Variants in XXYLT1 observed in about 807,000 individuals in gnomAD.
XXYLT1 encodes the protein UDP-xylose:alpha-xyloside alpha-1,3-xylosyltransferase.
XXYLT1 carries 20 observed loss-of-function variants against 28.9 expected under a neutral mutation model. That is an observed-to-expected ratio of 0.69 (90% confidence interval 0.49 to 1.00). The LOEUF is 1.00. Among genes scored for constraint, XXYLT1 ranks in the 50% least tolerant of loss-of-function variants. The pLI is 0.00. For missense variants in XXYLT1, 542 were observed against 560.1 expected (o/e 0.97, Z 0.33); for synonymous variants, 257 against 253.8 (o/e 1.01, Z -0.12).
At chr3:195,151,237 A>G (rs1258017789) in intron 3 of XXYLT1, among the ~76,000 whole-genome samples, 1 of 152,146 alleles carries the variant, frequency 6.6e-6, no homozygotes, top group African/African-American at 2.4e-5. Context: ...AAAAAGCGGG[A>G]TATCTGTTAA....
At chr3:195,265,155 A>T (rs147077435) in intron 1 of XXYLT1, among the ~76,000 whole-genome samples, 64 of 152,214 alleles carry the variant, frequency 4.2e-4, no homozygotes, top group African/African-American at 1.5e-3. Flanking sequence ...GGATCACCTG[A>T]GGTCAGGAGT....
Position 195,129,326 on chromosome 3 carries a change from T to C in XXYLT1, c.785+27123A>G, listed in dbSNP as rs1718788459. ...AGTGGATTTTAGTATGCTCACAGAG[T>C]TGTGTAACTATGACACAATTTTAGA... On this transcript the variant is annotated intron_variant, in intron 3 of 3. Coordinates refer to ENST00000310380, the MANE Select transcript of XXYLT1 (RefSeq NM_152531.5). This position sits in a 1 kb window ranked among gnomAD's most constrained non-coding sequence, Gnocchi z 4.4. Among the ~76,000 whole-genome samples the C allele has an allele frequency of 6.6e-6, 1 of 151,988 alleles. No homozygotes were observed. Among genetic ancestry groups the C allele is most frequent in the African/African-American group, 2.4e-5 (1 of 41,390 alleles).
chr3:195,186,472 C>T (rs1722200536), intron 2 of XXYLT1, among the ~76,000 whole-genome samples: 1 of 152,186 alleles, frequency 6.6e-6, no homozygotes, highest in Non-Finnish European at 1.5e-5. Context: ...TTCTGGGGCA[C>T]ATCAAGCTCC....
At chr3:195,143,357 C>T (rs1719590837) in intron 3 of XXYLT1, among the ~76,000 whole-genome samples, 1 of 152,200 alleles carries the variant, frequency 6.6e-6, no homozygotes, top group Non-Finnish European at 1.5e-5. Context: ...TGGGCTCAGT[C>T]TGGTGCACAG....
At position 195,129,271 on chromosome 3, in the gene XXYLT1, T is replaced by C. The variant is rs1718786698; in HGVS notation, c.785+27178A>G. ...TTCTTGACACATAATTTAAATTCCATACAATTCACCCATTTAACATGTACA... is the reference window on the plus strand; with the variant it reads ...TTCTTGACACATAATTTAAATTCCACACAATTCACCCATTTAACATGTACA... On this transcript the variant is annotated intron_variant, in intron 3 of 3. Transcript: ENST00000310380. The surrounding 1 kb of genome is among the most constrained non-coding windows in gnomAD (Gnocchi z 4.4). 6.6e-6 allele frequency among the ~76,000 whole-genome samples: 1 copy of C among 152,194 alleles called. No homozygotes were observed. The highest frequency in any genetic ancestry group is 2.4e-5 in the African/African-American group (1 of 41,438).
At chr3:195,223,641 A>G (rs1489196830) in intron 2 of XXYLT1, among the ~76,000 whole-genome samples, 3 of 152,224 alleles carry the variant, frequency 2.0e-5, no homozygotes. Flanking sequence ...GACAGCACGA[A>G]TGATGTCTGA....
At chr3:195,151,438 G>C (rs1353241237) in intron 3 of XXYLT1, among the ~76,000 whole-genome samples, 1 of 152,218 alleles carries the variant, frequency 6.6e-6, no homozygotes, top group East Asian at 1.9e-4. Context: ...GCTGAGGCAG[G>C]AGAACTTCTT....
intron 3 of XXYLT1, among the ~76,000 whole-genome samples, chr3:195,099,997 T>TA (rs1716687304): frequency 6.6e-6 from 1 of 152,100 alleles, no homozygotes; most frequent in Non-Finnish European, 1.5e-5. Flanking sequence ...CTGTCTTACT[T>TA]AAAAAAGAAG....
intron 3 of XXYLT1, among the ~76,000 whole-genome samples, chr3:195,082,895 G>A (rs1212530286): frequency 6.6e-6 from 1 of 151,836 alleles, no homozygotes; most frequent in African/African-American, 2.4e-5. Flanking sequence ...CCCCTGCCAA[G>A]AGCCAACAGT....
intron 1 of XXYLT1, chr3:195,270,259 C>T (rs565142315): frequency 1.0e-4 from 58 of 577,102 alleles, no homozygotes; most frequent in African/African-American, 7.3e-4. Context: ...AACCCTGCAA[C>T]GTTAGCAAAA....
chr3:195,205,452 T>C (rs1196104072), intron 2 of XXYLT1, among the ~76,000 whole-genome samples: 1 of 152,088 alleles, frequency 6.6e-6, no homozygotes, highest in Non-Finnish European at 1.5e-5. Context: ...ATTCTTGAAA[T>C]ACAGAAATGA....
At chr3:195,175,619 G>T (rs573568412) in intron 2 of XXYLT1, 1 of 1,536,162 alleles carries the variant, frequency 6.5e-7, no homozygotes, top group South Asian at 1.2e-5. Context: ...AACAGACATC[G>T]CTAGTGCTCA....
chr3:195,244,070 G>A (rs1374485747), intron 1 of XXYLT1, among the ~76,000 whole-genome samples: 1 of 152,154 alleles, frequency 6.6e-6, no homozygotes, highest in Non-Finnish European at 1.5e-5. Flanking sequence ...TCCACCTCGT[G>A]CTTACTGAAC....
rs533900491 is a variant in XXYLT1 at position 195,189,182 on chromosome 3, A to G, written c.653-32601T>C. ...TTGCCCACTAAGCTACACAGACACC[A>G]GGGCAACCTCTAGGAATCCAGGGTT... On this transcript the variant is annotated intron_variant, in intron 2 of 3. Coordinates refer to ENST00000310380, the MANE Select transcript of XXYLT1 (RefSeq NM_152531.5). 2.2e-4 allele frequency among the ~76,000 whole-genome samples: 34 copies of G among 152,362 alleles called. 2 individuals are homozygous for G. The highest frequency in any genetic ancestry group is 2.2e-3 in the Admixed American group (33 of 15,308).
In XXYLT1 at chr3:195,195,867, C is replaced by T. The variant is rs958662351; in HGVS notation, c.652+30842G>A. On this transcript the variant is annotated intron_variant, in intron 2 of 3. Coordinates refer to ENST00000310380, the MANE Select transcript of XXYLT1 (RefSeq NM_152531.5). This position sits in a 1 kb window ranked among gnomAD's most constrained non-coding sequence, Gnocchi z 4.4. ...CTGTTGCATTGAAGTATCCAATGAGCTCCAGTGAGCCTGAGCCTGGTCAGG... is the reference window on the plus strand; with the variant it reads ...CTGTTGCATTGAAGTATCCAATGAGTTCCAGTGAGCCTGAGCCTGGTCAGG... 1.3e-5 allele frequency among the ~76,000 whole-genome samples: 2 copies of T among 152,174 alleles called. No homozygotes were observed. Among genetic ancestry groups the T allele is most frequent in the Non-Finnish European group, 2.9e-5 (2 of 68,024 alleles).
At chr3:195,175,991 T>G in intron 2 of XXYLT1, 1 of 1,081,464 alleles carries the variant, frequency 9.2e-7, no homozygotes, top group African/African-American at 1.6e-5. Context: ...AGGTCATCAG[T>G]GTATACGTAG....
At chr3:195,096,846 G>A (rs187412818) in intron 3 of XXYLT1, among the ~76,000 whole-genome samples, 12 of 152,332 alleles carry the variant, frequency 7.9e-5, no homozygotes, top group East Asian at 3.9e-4. Flanking sequence ...AGGTACTCAC[G>A]TCAACAGTAA....
intron 3 of XXYLT1, among the ~76,000 whole-genome samples, chr3:195,097,450 G>A (rs1481597063): frequency 6.6e-6 from 1 of 152,214 alleles, no homozygotes; most frequent in Non-Finnish European, 1.5e-5. Context: ...CTAGCACCAC[G>A]TGCCACCACA....
chr3:195,088,683 T>C (rs1260668586), intron 3 of XXYLT1, among the ~76,000 whole-genome samples: 8 of 141,106 alleles, frequency 5.7e-5, no homozygotes, highest in Non-Finnish European at 1.1e-4. Context: ...GGAGAATGAC[T>C]TTGACGAGCT....
Sources: gnomAD v4.1 joint callset for allele counts (sites outside exome capture counted in the v4.1 genomes callset) on GRCh38, gnomAD v4.1.1 for gene constraint, Gnocchi (gnomAD v3.1) non-coding constraint, MANE v1.5 for transcripts, NCBI Gene and HGNC (gene_info 2026-07-23, HGNC 2026-07-21) for gene names.